The following BNC2 variants were observed in gnomAD, a reference collection of about 807,000 sequenced individuals.
The protein encoded by BNC2 is zinc finger protein basonuclin-2.
In BNC2, 20 loss-of-function variants were observed where a neutral mutation model predicts 76.3. That is an observed-to-expected ratio of 0.26 (90% CI 0.18 to 0.38). BNC2 has a LOEUF of 0.38. Ranked by LOEUF, BNC2 falls within the 10% of genes least tolerant of loss-of-function variation. The pLI is 1.00. For synonymous variants in BNC2, 582 were observed against 514.8 expected (o/e 1.13, Z -1.77); for missense variants, 1,382 against 1,399.8 (o/e 0.99, Z 0.20).
intron 5 of BNC2, among the ~76,000 whole-genome samples, chr9:16,532,591 G>A (rs1423012721): frequency 6.6e-6 from 1 of 151,982 alleles, no homozygotes; most frequent in Admixed American, 6.6e-5. Context: ...GGGAGTTGGT[G>A]GTTCAAACAG....
chr9:16,742,541 C>G (rs1824881386), intron 1 of BNC2, among the ~76,000 whole-genome samples: 1 of 147,540 alleles, frequency 6.8e-6, no homozygotes, highest in African/African-American at 2.7e-5. Flanking sequence ...CATTCATCTA[C>G]TATACTAGCA....
intron 1 of BNC2, among the ~76,000 whole-genome samples, chr9:16,841,517 A>G (rs10810642): frequency 0.37 from 52,163 of 139,514 alleles, 10,027 homozygotes; most frequent in Non-Finnish European, 0.46. Context: ...TAATCAAACC[A>G]TCATATCATC....
chr9:16,808,306 T>G (rs574789613), intron 1 of BNC2, among the ~76,000 whole-genome samples: 2 of 152,052 alleles, frequency 1.3e-5, no homozygotes, highest in Non-Finnish European at 2.9e-5. Context: ...GTTTATTTCA[T>G]TAAAATTTAT....
At chr9:16,453,619 G>A (rs1037486878) in intron 5 of BNC2, among the ~76,000 whole-genome samples, 2 of 152,056 alleles carry the variant, frequency 1.3e-5, no homozygotes, top group African/African-American at 4.8e-5. Context: ...TTTTTCTAAA[G>A]TGCACCTCTG....
intron 3 of BNC2, among the ~76,000 whole-genome samples, chr9:16,723,443 G>A (rs187475976): frequency 1.3e-4 from 19 of 151,144 alleles, no homozygotes; most frequent in African/African-American, 2.4e-5. Flanking sequence ...CGTCTGACTT[G>A]TAATACTATA....
At chr9:16,491,736 C>T (rs1015569037) in intron 5 of BNC2, among the ~76,000 whole-genome samples, 1 of 152,094 alleles carries the variant, frequency 6.6e-6, no homozygotes, top group African/African-American at 2.4e-5. Context: ...GGTGGATTAC[C>T]AGTCTCTAAG....
intron 1 of BNC2, among the ~76,000 whole-genome samples, chr9:16,809,204 G>A (rs1325327324): frequency 6.6e-5 from 10 of 152,070 alleles, no homozygotes; most frequent in African/African-American, 1.9e-4. Context: ...GGGAGCTGCC[G>A]CTAGAGGAAG....
At chr9:16,868,926 T>A (rs1042352858) in intron 1 of BNC2, among the ~76,000 whole-genome samples, 1 of 152,182 alleles carries the variant, frequency 6.6e-6, no homozygotes, top group African/African-American at 2.4e-5. Context: ...ATTTAAAGCA[T>A]GTATGCGTGT....
At chr9:16,672,957 C>T (rs548599836) in intron 3 of BNC2, among the ~76,000 whole-genome samples, 3 of 152,274 alleles carry the variant, frequency 2.0e-5, no homozygotes, top group South Asian at 4.1e-4. Context: ...GGGTAAACAA[C>T]ACGAAGCAAA....
At chr9:16,616,540 A>C (rs1820701824) in intron 3 of BNC2, among the ~76,000 whole-genome samples, 1 of 151,044 alleles carries the variant, frequency 6.6e-6, no homozygotes, top group African/African-American at 2.4e-5. Flanking sequence ...CTACAAAAAA[A>C]ATTTTTTAAA....
intron 4 of BNC2, among the ~76,000 whole-genome samples, chr9:16,564,304 A>G (rs1024365375): frequency 6.6e-6 from 1 of 152,174 alleles, no homozygotes. Flanking sequence ...CAAGCCAGTG[A>G]CCTGAAGACT....
intron 1 of BNC2, among the ~76,000 whole-genome samples, chr9:16,739,569 A>T (rs1350646109): frequency 6.6e-6 from 1 of 152,164 alleles, no homozygotes; most frequent in African/African-American, 2.4e-5. Context: ...CTACTTGGGA[A>T]GCTGAGGCAG....
chr9:16,633,068 G>A (rs1001713944), intron 3 of BNC2, among the ~76,000 whole-genome samples: 1 of 152,162 alleles, frequency 6.6e-6, no homozygotes, highest in Admixed American at 6.5e-5. Context: ...TTAATACAAT[G>A]TGGTTTTAAT....
At chr9:16,428,462 G>T (rs1217175596) in intron 6 of BNC2, among the ~76,000 whole-genome samples, 1 of 152,134 alleles carries the variant, frequency 6.6e-6, no homozygotes. Context: ...AGATGTAGAT[G>T]TCTATTCTGG....
chr9:16,577,027 C>T (rs1243068369), intron 4 of BNC2, among the ~76,000 whole-genome samples: 10 of 152,132 alleles, frequency 6.6e-5, no homozygotes, highest in South Asian at 2.1e-4. Context: ...TGAGCCACCG[C>T]GCCTGGCCCA....
At chr9:16,590,264 C>A (rs1009223914) in intron 3 of BNC2, among the ~76,000 whole-genome samples, 5 of 152,066 alleles carry the variant, frequency 3.3e-5, no homozygotes, top group South Asian at 4.1e-4. Context: ...ACAATCTTGG[C>A]TCGCTGCAAC....
At chr9:16,787,218 G>A (rs1290786214) in intron 1 of BNC2, among the ~76,000 whole-genome samples, 1 of 152,176 alleles carries the variant, frequency 6.6e-6, no homozygotes, top group Non-Finnish European at 1.5e-5. Context: ...GAAGCCCTGG[G>A]CAGGGGGAAA....
chr9:16,457,839 G>A (rs542512243), intron 5 of BNC2, among the ~76,000 whole-genome samples: 1 of 152,294 alleles, frequency 6.6e-6, no homozygotes, highest in Admixed American at 6.5e-5. Context: ...CCTAAAGAGG[G>A]CAGTCTCAGG....
At chr9:16,687,650 A>G (rs1248175678) in intron 3 of BNC2, among the ~76,000 whole-genome samples, 1 of 152,234 alleles carries the variant, frequency 6.6e-6, no homozygotes, top group Non-Finnish European at 1.5e-5. Context: ...ACTAAGGCAG[A>G]TTCAGTAAGC....
Sources: allele counts gnomAD v4.1 joint callset (sites outside exome capture counted in the v4.1 genomes callset), GRCh38; gene constraint gnomAD v4.1.1; transcripts MANE v1.5; gene names NCBI Gene and HGNC (gene_info 2026-07-23, HGNC 2026-07-21).